USP32: variants seen among roughly 807,000 people sequenced by gnomAD.
USP32 encodes ubiquitin carboxyl-terminal hydrolase 32.
In USP32, 59 loss-of-function variants were observed where a neutral mutation model predicts 204.8. The observed-to-expected ratio is 0.29, with a 90% CI of 0.23 to 0.36. The LOEUF is 0.36. Among genes scored for constraint, USP32 ranks in the 10% least tolerant of loss-of-function variants. USP32 has a pLI of 1.00. For missense variants in USP32, 1,160 were observed against 1,946.4 expected (o/e 0.60, Z 7.60); for synonymous variants, 517 against 678.4 (o/e 0.76, Z 3.70).
intron 2 of USP32, among the ~76,000 whole-genome samples, chr17:60,304,643 A>T (rs1457302940): frequency 6.6e-6 from 1 of 152,250 alleles, no homozygotes; most frequent in African/African-American, 2.4e-5. Context: ...AATAGCACAG[A>T]GGATGGGAGA....
At chr17:60,317,685 A>G (rs1455021618) in intron 2 of USP32, among the ~76,000 whole-genome samples, 1 of 152,044 alleles carries the variant, frequency 6.6e-6, no homozygotes, top group African/African-American at 2.4e-5. Flanking sequence ...GTGTAGTGCC[A>G]TGCACCCATA....
chr17:60,243,729 C>G (rs1051406015), intron 11 of USP32, among the ~76,000 whole-genome samples: 4 of 152,136 alleles, frequency 2.6e-5, no homozygotes, highest in Non-Finnish European at 5.9e-5. Flanking sequence ...ATGCCATAGT[C>G]TGCTGACTAA....
At chr17:60,212,231 T>C (rs1379553959) in intron 18 of USP32, 133 bp from the exon 19 acceptor site, 9 of 729,634 alleles carry the variant, frequency 1.2e-5, no homozygotes, top group Non-Finnish European at 2.1e-5. Context: ...GTACATACAT[T>C]GCTTAACGAC....
intron 2 of USP32, among the ~76,000 whole-genome samples, chr17:60,308,877 C>T (rs533211379): frequency 2.0e-5 from 3 of 152,220 alleles, no homozygotes; most frequent in South Asian, 4.2e-4. Flanking sequence ...TGCAGTGAGC[C>T]GAGACTGTGC....
At chr17:60,330,541 T>TTC (rs1241357170) in intron 2 of USP32, among the ~76,000 whole-genome samples, 2 of 149,452 alleles carry the variant, frequency 1.3e-5, no homozygotes, top group East Asian at 4.0e-4. Flanking sequence ...CTTTCTCTCT[T>TTC]TCTCTCTCTC....
At chr17:60,267,026 T>C (rs920225371) in intron 7 of USP32, among the ~76,000 whole-genome samples, 5 of 150,962 alleles carry the variant, frequency 3.3e-5, no homozygotes, top group Non-Finnish European at 5.9e-5. Flanking sequence ...TAACCTCAAG[T>C]GATCCACCGG....
intron 13 of USP32, among the ~76,000 whole-genome samples, chr17:60,225,097 AT>A (rs1273358403): frequency 6.6e-6 from 1 of 152,220 alleles, no homozygotes; most frequent in East Asian, 1.9e-4. Context: ...ATCTTTGAAA[AT>A]TTAAATTTAC....
At chr17:60,325,653 G>A (rs931775285) in intron 2 of USP32, among the ~76,000 whole-genome samples, 6 of 151,720 alleles carry the variant, frequency 4.0e-5, no homozygotes, top group African/African-American at 9.7e-5. Context: ...AGGGCCAGGC[G>A]CGGTGGCTCA....
At chr17:60,416,921 T>G (rs2090066441) in intron 1 of USP32, among the ~76,000 whole-genome samples, 1 of 98,110 alleles carries the variant, frequency 1.0e-5, no homozygotes, top group Non-Finnish European at 1.7e-5. Context: ...ATCCAATTCC[T>G]TTTTTTTTTT....
intron 1 of USP32, among the ~76,000 whole-genome samples, chr17:60,406,953 T>G (rs2089980735): frequency 6.6e-6 from 1 of 152,146 alleles, no homozygotes; most frequent in Non-Finnish European, 1.5e-5. Context: ...GGGACCAGAT[T>G]AACCCTTCTG....
chr17:60,382,089 T>C lies in USP32; in HGVS notation c.58+9793A>G, dbSNP rs576755407. ...GTGTCTTGAAATTAGGGCCAGTGTA[T>C]GATTTCTATTTCCAGAGGCTGGCAT... On this transcript the variant is annotated intron_variant, in intron 1 of 33. Coordinates refer to ENST00000300896, the MANE Select transcript of USP32 (RefSeq NM_032582.4). Among the ~76,000 whole-genome samples the C allele has an allele frequency of 5.3e-5, 8 of 152,360 alleles. No individual in the cohort carries two copies. In the South Asian group the frequency reaches 6.2e-4, roughly 12 times the overall value.
At chr17:60,286,082 G>C (rs1442126419) in intron 5 of USP32, among the ~76,000 whole-genome samples, 1 of 150,758 alleles carries the variant, frequency 6.6e-6, no homozygotes, top group African/African-American at 2.5e-5. Flanking sequence ...GCTGCAGTGA[G>C]CTGAGATCAC....
chr17:60,184,829 A>C lies in USP32; in HGVS notation c.3834+631T>G, dbSNP rs578229071. ...TGTCTCAAAAAAAAAAAAAAAAAAA[A>C]CATATAAATATCTGAATTAAAATAT... On this transcript the variant is annotated intron_variant, in intron 30 of 33. Coordinates refer to ENST00000300896, the MANE Select transcript of USP32 (RefSeq NM_032582.4). 4.0e-3 allele frequency among the ~76,000 whole-genome samples: 595 copies of C among 150,504 alleles called. 2 individuals are homozygous for C. The highest frequency in any genetic ancestry group is 3.6e-3 in the Non-Finnish European group (245 of 67,876).
At chr17:60,253,836 G>A (rs546978288) in intron 10 of USP32, among the ~76,000 whole-genome samples, 1 of 152,054 alleles carries the variant, frequency 6.6e-6, no homozygotes, top group Non-Finnish European at 1.5e-5. Flanking sequence ...ATTCTGTTGT[G>A]TTTATAGTGG....
chr17:60,409,624 G>GA (rs1365168389), intron 1 of USP32, among the ~76,000 whole-genome samples: 1 of 152,086 alleles, frequency 6.6e-6, no homozygotes, highest in Non-Finnish European at 1.5e-5. Context: ...GTATGATAGT[G>GA]AAAAAAAGTC....
chr17:60,195,228 G>A (rs2084481179), intron 27 of USP32, among the ~76,000 whole-genome samples: 2 of 152,324 alleles, frequency 1.3e-5, no homozygotes, highest in Middle Eastern at 6.8e-3. Context: ...AATCCAGCGG[G>A]CAATTCCCAG....
intron 16 of USP32, among the ~76,000 whole-genome samples, chr17:60,217,364 G>A (rs1234221346): frequency 5.3e-5 from 8 of 152,040 alleles, no homozygotes; most frequent in South Asian, 2.1e-4. Flanking sequence ...GCGCGATCTC[G>A]GCTCACTGCA....
At position 60,225,286 on chromosome 17, in the gene USP32, C is replaced by T. The variant is rs371031167; in HGVS notation, c.1432+753G>A. Among the ~76,000 whole-genome samples, 40 of 152,006 alleles carry T rather than the reference C, an allele frequency of 2.6e-4. 1 individual carries two copies. In the East Asian group the frequency reaches 4.1e-3, roughly 16 times the overall value. On this transcript the variant is annotated intron_variant, in intron 13 of 33. Coordinates refer to ENST00000300896, the MANE Select transcript of USP32 (RefSeq NM_032582.4). The stretch of plus-strand genomic sequence containing the variant: ...TGGGCAACATGGCAAAACCCTATCC[C>T]TAAAATAAAAACACACAAAAAATGG...
At chr17:60,228,566 C>T (rs1177547211) in intron 12 of USP32, among the ~76,000 whole-genome samples, 1 of 146,876 alleles carries the variant, frequency 6.8e-6, no homozygotes, top group East Asian at 2.0e-4. Context: ...TCTGTAATCC[C>T]TGCACTTTGG....
Sources: gnomAD v4.1 joint callset for allele counts (sites outside exome capture counted in the v4.1 genomes callset) on GRCh38, gnomAD v4.1.1 for gene constraint, MANE v1.5 for transcripts, NCBI Gene and HGNC (gene_info 2026-07-23, HGNC 2026-07-21) for gene names.